Variants in HCN1 observed in about 807,000 individuals in gnomAD.
HCN1 encodes the protein hyperpolarization activated cyclic nucleotide gated potassium channel 1, also known as potassium/sodium hyperpolarization-activated cyclic nucleotide-gated channel 1.
In HCN1, 13 loss-of-function variants were observed where a neutral mutation model predicts 78.9. The observed-to-expected ratio is 0.16, with a 90% CI of 0.11 to 0.26. HCN1 has a LOEUF of 0.26. Among genes scored for constraint, HCN1 ranks in the 10% least tolerant of loss-of-function variants. The pLI, the probability that HCN1 is intolerant of heterozygous loss-of-function variation, is 1.00. For missense variants in HCN1, 810 were observed against 1,154.3 expected (o/e 0.70, Z 4.32); for synonymous variants, 552 against 455.5 (o/e 1.21, Z -2.70).
chr5:45,442,041 CTTTA>C (rs1740689151), intron 3 of HCN1, among the ~76,000 whole-genome samples: 1 of 152,054 alleles, frequency 6.6e-6, no homozygotes, highest in Admixed American at 6.5e-5. Flanking sequence ...GTCCTTTTAA[CTTTA>C]TTTATGTATT....
intron 3 of HCN1, among the ~76,000 whole-genome samples, chr5:45,410,483 G>T (rs1374079489): frequency 6.6e-6 from 1 of 151,886 alleles, no homozygotes; most frequent in Non-Finnish European, 1.5e-5. Flanking sequence ...TTATTTTAAT[G>T]AACATTTAGA....
intron 2 of HCN1, among the ~76,000 whole-genome samples, chr5:45,531,537 C>T (rs967082227): frequency 6.6e-6 from 1 of 152,080 alleles, no homozygotes; most frequent in Non-Finnish European, 1.5e-5. Flanking sequence ...ATTCAGTAGC[C>T]ATTGTGTTGT....
chr5:45,315,636 GA>G (rs1233364908), intron 5 of HCN1, among the ~76,000 whole-genome samples: 1 of 151,972 alleles, frequency 6.6e-6, no homozygotes, highest in Non-Finnish European at 1.5e-5. Flanking sequence ...GCTGGTTTTT[GA>G]AAAGATCAAG....
chr5:45,458,317 AATAAAC>A (rs1043541021), intron 3 of HCN1, among the ~76,000 whole-genome samples: 1 of 152,080 alleles, frequency 6.6e-6, no homozygotes, highest in Non-Finnish European at 1.5e-5. Flanking sequence ...AATGAAGAAG[AATAAAC>A]ATAAAGAATT....
rs367688936 is a variant in HCN1, at chr5:45,518,105, T to G, written c.850-56098A>C. On this transcript the variant is annotated intron_variant, in intron 2 of 7. Transcript: ENST00000303230. Reference sequence around the variant, plus strand: ...TAAAAGGTGCAAAGTGTAAGTTAATTTATTGATTTGCCCAGAGTGATAGAC... The same window carrying G: ...TAAAAGGTGCAAAGTGTAAGTTAATGTATTGATTTGCCCAGAGTGATAGAC... Among the ~76,000 whole-genome samples the G allele has an allele frequency of 8.8e-4, 134 of 152,192 alleles. 3 individuals carry two copies. In the South Asian group the frequency reaches 0.027, roughly 31 times the overall value.
At chr5:45,516,086 T>C (rs933179421) in intron 2 of HCN1, among the ~76,000 whole-genome samples, 2 of 151,964 alleles carry the variant, frequency 1.3e-5, no homozygotes, top group Non-Finnish European at 2.9e-5. Flanking sequence ...CCATCATATA[T>C]CTCAACCAGT....
intron 6 of HCN1, among the ~76,000 whole-genome samples, chr5:45,297,702 C>T (rs190075201): frequency 2.0e-5 from 3 of 151,978 alleles, no homozygotes; most frequent in South Asian, 2.1e-4. Context: ...AAGATAGAGA[C>T]AAAATCATGA....
At chr5:45,403,442 A>G (rs1032866351) in intron 3 of HCN1, among the ~76,000 whole-genome samples, 1 of 152,172 alleles carries the variant, frequency 6.6e-6, no homozygotes, top group African/African-American at 2.4e-5. Context: ...CTCAGGAAAC[A>G]TAACCATGGC....
chr5:45,506,710 G>GA (rs1742309023), intron 2 of HCN1, among the ~76,000 whole-genome samples: 1 of 152,004 alleles, frequency 6.6e-6, no homozygotes, highest in South Asian at 2.1e-4. Flanking sequence ...TCTCCTTCAG[G>GA]AAAAATTGTT....
chr5:45,511,100 T>A (rs1419098992), intron 2 of HCN1, among the ~76,000 whole-genome samples: 3 of 152,086 alleles, frequency 2.0e-5, no homozygotes, highest in African/African-American at 7.2e-5. Context: ...GTATACCCAG[T>A]ACCTAGATGA....
At chr5:45,487,833 T>A (rs569288478) in intron 2 of HCN1, among the ~76,000 whole-genome samples, 3 of 152,204 alleles carry the variant, frequency 2.0e-5, no homozygotes, top group African/African-American at 7.2e-5. Flanking sequence ...AAAGTCTGAA[T>A]TAAGTAAATG....
At chr5:45,340,960 A>T (rs1391163383) in intron 5 of HCN1, among the ~76,000 whole-genome samples, 1 of 152,226 alleles carries the variant, frequency 6.6e-6, no homozygotes, top group African/African-American at 2.4e-5. Flanking sequence ...CATCATTTCC[A>T]TAAAGTTTTA....
intron 1 of HCN1, among the ~76,000 whole-genome samples, chr5:45,684,615 C>T (rs1381004518): frequency 6.6e-6 from 1 of 152,218 alleles, no homozygotes; most frequent in Non-Finnish European, 1.5e-5. Context: ...AAACCCAGCA[C>T]TTTGGTAGGC....
intron 5 of HCN1, among the ~76,000 whole-genome samples, chr5:45,312,440 C>T (rs570878520): frequency 1.1e-4 from 17 of 152,226 alleles, no homozygotes; most frequent in South Asian, 4.1e-4. Flanking sequence ...CCAGTGTGAG[C>T]GACGCAGAAG....
At chr5:45,562,958 A>G (rs550379328) in intron 2 of HCN1, among the ~76,000 whole-genome samples, 85 of 152,346 alleles carry the variant, frequency 5.6e-4, no homozygotes, top group African/African-American at 1.9e-3. Flanking sequence ...GAAAGGACAT[A>G]TTTAGCATAA....
At chr5:45,386,958 G>A (rs1397707229) in intron 4 of HCN1, among the ~76,000 whole-genome samples, 1 of 151,942 alleles carries the variant, frequency 6.6e-6, no homozygotes, top group Non-Finnish European at 1.5e-5. Context: ...GTGGGAGACA[G>A]CAAGAAATCT....
intron 1 of HCN1, among the ~76,000 whole-genome samples, chr5:45,674,433 C>T (rs1019810186): frequency 1.3e-5 from 2 of 151,630 alleles, no homozygotes; most frequent in African/African-American, 4.8e-5. Context: ...CTTCTATCTA[C>T]ATATACACAG....
rs919401163 is a variant in HCN1, at chr5:45,260,064, G to T, written c.*1857C>A. 7 of 152,206 alleles carry T rather than the reference G, an allele frequency of 4.6e-5. No homozygotes were observed. Among genetic ancestry groups the T allele is most frequent in the African/African-American group, 1.7e-4 (7 of 41,390 alleles). The allele number at this position is 152,206 out of a possible 1,614,324, so 9.4% of individuals were successfully genotyped here. ...GAAATTAAACATAACAACTCATTTT[G>T]GTATTATAGGTATTATATCCACAAA... is the stretch of plus-strand genomic sequence containing the variant. On this transcript the variant is annotated 3_prime_UTR_variant, in exon 8 of 8. Coordinates refer to ENST00000303230, the MANE Select transcript of HCN1 (RefSeq NM_021072.4).
chr5:45,313,808 G>A (rs1341386919), intron 5 of HCN1, among the ~76,000 whole-genome samples: 2 of 152,090 alleles, frequency 1.3e-5, no homozygotes, highest in African/African-American at 4.8e-5. Flanking sequence ...GAGAAGAGAA[G>A]TTTAGAGAAA....
Sources: allele counts gnomAD v4.1 joint callset (sites outside exome capture counted in the v4.1 genomes callset), GRCh38; gene constraint gnomAD v4.1.1; transcripts MANE v1.5; gene names NCBI Gene and HGNC (gene_info 2026-07-23, HGNC 2026-07-21).